Variants in NUP210L observed in about 807,000 individuals in gnomAD.
NUP210L encodes the protein nuclear pore membrane glycoprotein 210-like.
NUP210L carries 74 observed loss-of-function variants against 208.5 expected under a neutral mutation model. The ratio of observed to expected loss-of-function variants is 0.35; its 90% confidence interval spans 0.29 to 0.43. NUP210L has a LOEUF of 0.43. Ranked by LOEUF, NUP210L falls within the 20% of genes least tolerant of loss-of-function variation. The probability of loss-of-function intolerance (pLI) is 1.00; values close to 1 mark genes in which losing one functional copy is unlikely to be tolerated. For missense variants in NUP210L, 1,843 were observed against 2,289.4 expected, an observed-to-expected ratio of 0.81 and a Z score of 3.98; for synonymous variants, 780 against 816.9, an observed-to-expected ratio of 0.95 and a Z score of 0.77.
intron 33 of NUP210L, among the ~76,000 whole-genome samples, chr1:154,013,366 G>T (rs1234577060): frequency 1.3e-5 from 2 of 152,136 alleles, no homozygotes; most frequent in African/African-American, 4.8e-5. Flanking sequence ...TTGAGGTCAG[G>T]AGTTTGAGAC....
intron 27 of NUP210L, among the ~76,000 whole-genome samples, chr1:154,038,586 C>T (rs1212987753): frequency 6.6e-6 from 1 of 152,018 alleles, no homozygotes; most frequent in Non-Finnish European, 1.5e-5. Context: ...CTCAGGTGAC[C>T]TGCCTGCCTT....
At chr1:154,150,179 AG>A (rs1219714371) in intron 2 of NUP210L, among the ~76,000 whole-genome samples, 2 of 151,932 alleles carry the variant, frequency 1.3e-5, no homozygotes, top group Non-Finnish European at 2.9e-5. Flanking sequence ...GTTCGAGATG[AG>A]CCTGACCAAC....
At chr1:154,037,083 A>C (rs1652597825) in intron 27 of NUP210L, among the ~76,000 whole-genome samples, 1 of 152,190 alleles carries the variant, frequency 6.6e-6, no homozygotes, top group African/African-American at 2.4e-5. Flanking sequence ...TTAATTTTTA[A>C]AAACTTGTTT....
chr1:154,036,314 ATGTGTGTGTGTGTGTGTGTGTGTGTGTG>A (rs57011341), intron 27 of NUP210L, among the ~76,000 whole-genome samples: 1 of 108,158 alleles, frequency 9.2e-6, no homozygotes, highest in African/African-American at 3.6e-5. Context: ...CAGTTGGAAC[ATGTGTGTGTGTGTGTGTGTGTGTGTGTG>A]TGTGTGTGTG....
chr1:154,032,074 T>C (rs1161092639), intron 27 of NUP210L, among the ~76,000 whole-genome samples: 1 of 152,146 alleles, frequency 6.6e-6, no homozygotes, highest in African/African-American at 2.4e-5. Context: ...ATTGTGTATA[T>C]ACACCTCATT....
At chr1:154,011,589 C>T (rs913176640) in intron 34 of NUP210L, among the ~76,000 whole-genome samples, 3 of 150,418 alleles carry the variant, frequency 2.0e-5, no homozygotes, top group Non-Finnish European at 4.4e-5. Flanking sequence ...TCTCAAACTC[C>T]TGGCCTCAAG....
At chr1:154,019,168 A>T in intron 32 of NUP210L, 99 bp from the exon 33 acceptor site, 2 of 1,234,682 alleles carry the variant, frequency 1.6e-6, no homozygotes, top group Non-Finnish European at 2.3e-6. Context: ...AAGCATGCAG[A>T]TATCTCTTCC....
At chr1:154,118,590 G>A in intron 11 of NUP210L, 81 bp downstream of exon 11, 1 of 1,033,944 alleles carries the variant, frequency 9.7e-7, no homozygotes, top group East Asian at 2.7e-5. Flanking sequence ...GGAAATAAAT[G>A]TAACATTAAT....
chr1:154,126,020 G>A (rs1402487529), intron 10 of NUP210L, among the ~76,000 whole-genome samples: 7 of 150,320 alleles, frequency 4.7e-5, no homozygotes, highest in East Asian at 4.0e-4. Flanking sequence ...CGCCCGCCTC[G>A]GCCTCCCAAA....
chr1:154,064,957 GC>G (rs1454738382), intron 17 of NUP210L, among the ~76,000 whole-genome samples: 2 of 151,706 alleles, frequency 1.3e-5, no homozygotes, highest in African/African-American at 4.8e-5. Context: ...AGGCCTGTAA[GC>G]CCAGCTACTC....
chr1:154,039,092 T>C (rs1441689945), intron 27 of NUP210L, among the ~76,000 whole-genome samples: 1 of 152,184 alleles, frequency 6.6e-6, no homozygotes. Context: ...GTACTTACTA[T>C]TACCAGTGAG....
chr1:154,001,821 T>A (rs2147888499), exon 36 of NUP210L: 1 of 1,614,170 alleles, frequency 6.2e-7, no homozygotes, highest in Admixed American at 1.7e-5. Flanking sequence ...TCTGACTGGT[T>A]AATATAAAAG....
chr1:154,073,723 G>T (rs1254521462), intron 16 of NUP210L, among the ~76,000 whole-genome samples: 1 of 151,806 alleles, frequency 6.6e-6, no homozygotes, highest in East Asian at 1.9e-4. Flanking sequence ...GCTGAGGCAC[G>T]AGAATCGCTT....
At chr1:154,115,300 C>T (rs1417698978) in intron 12 of NUP210L, among the ~76,000 whole-genome samples, 1 of 152,202 alleles carries the variant, frequency 6.6e-6, no homozygotes, top group Non-Finnish European at 1.5e-5. Flanking sequence ...CTGTAAAGAG[C>T]TAGATAGTAA....
At chr1:154,001,914 T>C in exon 36 of NUP210L, 1 of 1,614,012 alleles carries the variant, frequency 6.2e-7, no homozygotes, top group Non-Finnish European at 8.5e-7. Context: ...TAGACTGAGG[T>C]GTCAGCCACA....
chr1:154,149,023 A>G (rs1453121869), intron 2 of NUP210L, among the ~76,000 whole-genome samples: 2 of 151,758 alleles, frequency 1.3e-5, no homozygotes, highest in Non-Finnish European at 2.9e-5. Context: ...CCTTACATAA[A>G]AAAGGAAAAG....
At chr1:154,136,483 A>AT (rs1658552941) in intron 6 of NUP210L, among the ~76,000 whole-genome samples, 1 of 151,364 alleles carries the variant, frequency 6.6e-6, no homozygotes, top group Non-Finnish European at 1.5e-5. Flanking sequence ...AAAAATTAAA[A>AT]ATATATATAT....
intron 16 of NUP210L, among the ~76,000 whole-genome samples, chr1:154,083,155 T>G (rs928280276): frequency 6.6e-6 from 1 of 152,124 alleles, no homozygotes; most frequent in African/African-American, 2.4e-5. Flanking sequence ...GGTGGCCAGC[T>G]TTTATTCCCT....
At chr1:154,146,642 CATCACAGTACTAAG>C (rs1659130514) in intron 2 of NUP210L, among the ~76,000 whole-genome samples, 1 of 135,272 alleles carries the variant, frequency 7.4e-6, no homozygotes, top group Non-Finnish European at 1.5e-5. Flanking sequence ...AAAAAAAGAG[CATCACAGTACTAAG>C]ATTCATGGAT....
Sources: gnomAD v4.1 joint callset for allele counts (sites outside exome capture counted in the v4.1 genomes callset) on GRCh38, gnomAD v4.1.1 for gene constraint, MANE v1.5 for transcripts, NCBI Gene and HGNC (gene_info 2026-07-23, HGNC 2026-07-21) for gene names.